The following SLC35D4 variants were observed in gnomAD, a reference collection of about 807,000 sequenced individuals.
SLC35D4 encodes the protein UDP-N-acetylglucosamine transporter SLC35D4.
the SLC35D4 span, among the ~76,000 whole-genome samples, chr18:23,293,033 A>G: frequency 6.6e-6 from 1 of 152,274 alleles, no homozygotes; most frequent in Admixed American, 6.5e-5. Context: ...TGAAGTCAGG[A>G]GTTCGGGACC....
chr18:23,431,678 T>TAA, the SLC35D4 span, among the ~76,000 whole-genome samples: 1 of 152,230 alleles, frequency 6.6e-6, no homozygotes, highest in Non-Finnish European at 1.5e-5. Context: ...TTTAGCATGT[T>TAA]ACGGACTTTT....
chr18:23,428,515 T>C, the SLC35D4 span, among the ~76,000 whole-genome samples: 1 of 152,086 alleles, frequency 6.6e-6, no homozygotes, highest in East Asian at 1.9e-4. Flanking sequence ...TTAACCCAAA[T>C]TTATTAATTT....
the SLC35D4 span, among the ~76,000 whole-genome samples, chr18:23,392,578 C>T: frequency 3.0e-4 from 45 of 152,170 alleles, no homozygotes; most frequent in Non-Finnish European, 5.3e-4. Context: ...AGGGCCTCAA[C>T]ATATTAAAAA....
the SLC35D4 span, among the ~76,000 whole-genome samples, chr18:23,251,566 A>C: frequency 5.3e-5 from 8 of 152,320 alleles, no homozygotes; most frequent in African/African-American, 1.7e-4. Context: ...AAAATTGTTT[A>C]ATTCAGAGTT....
the SLC35D4 span, among the ~76,000 whole-genome samples, chr18:23,411,483 T>TA: frequency 1.1e-5 from 1 of 91,730 alleles, no homozygotes; most frequent in East Asian, 3.4e-4. Flanking sequence ...AAGAAAGAGA[T>TA]AGAAAGAAAG....
the SLC35D4 span, among the ~76,000 whole-genome samples, chr18:23,405,589 CATTATATTCCAAT>C: frequency 6.6e-6 from 1 of 152,162 alleles, no homozygotes; most frequent in South Asian, 2.1e-4. Context: ...ATTAAGCACC[CATTATATTCCAAT>C]ATTCTAGTCA....
At chr18:23,259,892 C>T in the SLC35D4 span, 2 of 152,426 alleles carry the variant, frequency 1.3e-5, no homozygotes, top group African/African-American at 4.8e-5. Context: ...CCTGAGGCCT[C>T]TCCAGTCCTC....
At chr18:23,287,861 A>T in the SLC35D4 span, among the ~76,000 whole-genome samples, 2 of 152,208 alleles carry the variant, frequency 1.3e-5, no homozygotes, top group African/African-American at 4.8e-5. Flanking sequence ...CTTTTTGTCC[A>T]AACAACTTGA....
the SLC35D4 span, among the ~76,000 whole-genome samples, chr18:23,381,819 C>T: frequency 6.6e-6 from 1 of 152,250 alleles, no homozygotes; most frequent in African/African-American, 2.4e-5. Context: ...GTCCTACCGT[C>T]ACCCTCATCT....
At chr18:23,354,832 C>T in the SLC35D4 span, among the ~76,000 whole-genome samples, 8 of 152,190 alleles carry the variant, frequency 5.3e-5, no homozygotes, top group South Asian at 2.1e-4. Context: ...CCTTTTGCAT[C>T]GCTTAACTTC....
At chr18:23,339,508 G>T in the SLC35D4 span, among the ~76,000 whole-genome samples, 1,323 of 152,320 alleles carry the variant, frequency 8.7e-3, 8 homozygotes, top group Middle Eastern at 0.017. Flanking sequence ...AGCACTGTCA[G>T]AGCTTGTTAT....
At chr18:23,263,321 C>A in the SLC35D4 span, among the ~76,000 whole-genome samples, 59 of 152,180 alleles carry the variant, frequency 3.9e-4, no homozygotes, top group Non-Finnish European at 4.1e-4. Flanking sequence ...AGGGCCTTCT[C>A]CCTGCCCTTC....
the SLC35D4 span, among the ~76,000 whole-genome samples, chr18:23,343,713 C>T: frequency 0.025 from 3,757 of 152,248 alleles, 53 homozygotes; most frequent in Middle Eastern, 0.058. Flanking sequence ...TCTCTGTCCT[C>T]CCATCCCTCA....
At chr18:23,418,446 A>C in the SLC35D4 span, among the ~76,000 whole-genome samples, 1 of 150,872 alleles carries the variant, frequency 6.6e-6, no homozygotes, top group Non-Finnish European at 1.5e-5. Context: ...ATCTCGGCTC[A>C]CTGCAACCTC....
the SLC35D4 span, among the ~76,000 whole-genome samples, chr18:23,329,485 G>A: frequency 2.6e-5 from 4 of 152,186 alleles, no homozygotes; most frequent in East Asian, 7.7e-4. Context: ...TCAGAGAAAT[G>A]CAAATCAAAA....
At chr18:23,390,021 C>A in the SLC35D4 span, among the ~76,000 whole-genome samples, 1 of 152,114 alleles carries the variant, frequency 6.6e-6, no homozygotes, top group South Asian at 2.1e-4. Context: ...AACAAAAATG[C>A]TAAGAAATGA....
At chr18:23,405,709 G>A in the SLC35D4 span, among the ~76,000 whole-genome samples, 7 of 152,262 alleles carry the variant, frequency 4.6e-5, no homozygotes, top group East Asian at 5.8e-4. Context: ...GAGGGGTGTC[G>A]GGGAAGGAGA....
At chr18:23,254,064 C>A in the SLC35D4 span, 1 of 730,864 alleles carries the variant, frequency 1.4e-6, no homozygotes, top group Non-Finnish European at 2.3e-6. Context: ...GAGGTGAAGG[C>A]TATGAAGTCT....
the SLC35D4 span, among the ~76,000 whole-genome samples, chr18:23,433,929 G>A: frequency 6.6e-6 from 1 of 151,984 alleles, no homozygotes; most frequent in African/African-American, 2.4e-5. Flanking sequence ...CATGCTCTCT[G>A]CCACATTAGA....
Sources: gnomAD v4.1 joint callset for allele counts (sites outside exome capture counted in the v4.1 genomes callset) on GRCh38, gnomAD v4.1.1 for gene constraint, MANE v1.5 for transcripts, NCBI Gene and HGNC (gene_info 2026-07-23, HGNC 2026-07-21) for gene names.